NRXN2: variants seen among roughly 807,000 people sequenced by gnomAD.
NRXN2 encodes the protein neurexin 2, also known as neurexin-2-beta.
Under a neutral mutation model 128.8 loss-of-function variants are expected in NRXN2, and 29 were observed. That is an observed-to-expected ratio of 0.23 (90% CI 0.17 to 0.31). The LOEUF (loss-of-function observed/expected upper bound fraction) is 0.31. Among genes scored for constraint, NRXN2 ranks in the 10% least tolerant of loss-of-function variants. The pLI, the probability that NRXN2 is intolerant of heterozygous loss-of-function variation, is 1.00. For synonymous variants in NRXN2, 1,098 were observed against 1,075.2 expected (o/e 1.02, Z -0.41); for missense variants, 1,881 against 2,452.6 (o/e 0.77, Z 4.92).
At chr11:64,615,724 C>G (rs1028727752) in intron 22 of NRXN2, among the ~76,000 whole-genome samples, 1 of 152,188 alleles carries the variant, frequency 6.6e-6, no homozygotes, top group Non-Finnish European at 1.5e-5. Context: ...TGTGTGCATG[C>G]CCTACAAGTC....
rs943442878 is a variant in NRXN2 at position 64,651,725 on chromosome 11, G to A, written c.2537-89C>T. ...CCAGGAGCCTCCCCTCCACAGGAGGGCCACCCATGAGTGACATCTTTAGAG... is the reference window on the plus strand; with the variant it reads ...CCAGGAGCCTCCCCTCCACAGGAGGACCACCCATGAGTGACATCTTTAGAG... On this transcript the variant is annotated intron_variant, in intron 13 of 22. Transcript: ENST00000265459. This position sits in a 1 kb window ranked among gnomAD's most constrained non-coding sequence, Gnocchi z 5.9. 51 of 1,441,518 alleles carry A rather than the reference G, an allele frequency of 3.5e-5. No individual in the cohort carries two copies. The highest frequency in any genetic ancestry group is 1.8e-4 in the Middle Eastern group (1 of 5,592). 89.3% of individuals were successfully genotyped at this position (1,441,518 alleles called of 1,614,324 possible).
In NRXN2 at chr11:64,676,862, G is replaced by A; in HGVS notation, c.1197+131C>T. The A allele has an allele frequency of 2.7e-6, 2 of 730,548 alleles. 1 individual carries two copies. Among genetic ancestry groups the A allele is most frequent in the Admixed American group, 4.1e-5 (2 of 49,030 alleles). 45.3% of individuals were successfully genotyped at this position (730,548 alleles called of 1,614,324 possible). ...GAAGCAAAATCTAAAGATTGTCCAG[G>A]ACGCAAAAAACAATTGGAAGAGCAA... On this transcript the variant is annotated intron_variant, in intron 7 of 22. Coordinates refer to ENST00000265459, the MANE Select transcript of NRXN2 (RefSeq NM_015080.4).
chr11:64,683,340 C>T (rs891691455), intron 6 of NRXN2, among the ~76,000 whole-genome samples: 1 of 152,158 alleles, frequency 6.6e-6, no homozygotes, highest in Admixed American at 6.5e-5. Flanking sequence ...TTGATTGAGG[C>T]CAGGTGTGGT....
At chr11:64,643,020 G>A in intron 17 of NRXN2, 1 of 1,004,742 alleles carries the variant, frequency 1.0e-6, no homozygotes, top group African/African-American at 1.7e-5. Context: ...CCAAGGTCCA[G>A]GATGCCTGGG....
chr11:64,705,523 C>T (rs2056149120), intron 2 of NRXN2, among the ~76,000 whole-genome samples: 1 of 151,918 alleles, frequency 6.6e-6, no homozygotes, highest in African/African-American at 2.4e-5. Context: ...ACTGCTCTTC[C>T]TCCTCCTCCC....
At chr11:64,670,417 G>C (rs1271334351) in intron 7 of NRXN2, among the ~76,000 whole-genome samples, 2 of 152,132 alleles carry the variant, frequency 1.3e-5, no homozygotes, top group Non-Finnish European at 2.9e-5. Flanking sequence ...GGCAGAGAAG[G>C]GCTGGAGAAA....
intron 17 of NRXN2, among the ~76,000 whole-genome samples, chr11:64,636,928 A>T (rs1484212631): frequency 6.6e-6 from 1 of 151,968 alleles, no homozygotes; most frequent in Non-Finnish European, 1.5e-5. Context: ...AGCTCCTAGG[A>T]CCCCAAAGGG....
chr11:64,707,056 C>T (rs919356970), intron 2 of NRXN2, among the ~76,000 whole-genome samples: 43 of 151,180 alleles, frequency 2.8e-4, no homozygotes, highest in African/African-American at 9.3e-4. Context: ...GGTTCAAGTG[C>T]CCAGCCATGT....
At chr11:64,687,824 G>C (rs2053267594) in intron 5 of NRXN2, among the ~76,000 whole-genome samples, 3 of 152,196 alleles carry the variant, frequency 2.0e-5, no homozygotes, top group African/African-American at 7.2e-5. Context: ...TGGGAAGAGA[G>C]CCAGCAACGA....
In NRXN2 at chr11:64,676,806, G is replaced by T. The variant is rs148197242; in HGVS notation, c.1197+187C>A. 6 of 623,940 alleles carry T rather than the reference G, an allele frequency of 9.6e-6. No homozygotes were observed. In the East Asian group the frequency reaches 1.4e-4, roughly 14 times the overall value. The allele number at this position is 623,940 out of a possible 1,614,324, so 38.7% of individuals were successfully genotyped here. On this transcript the variant is annotated intron_variant, in intron 7 of 22. Transcript: ENST00000265459. ...TTGTATTTCAGTTTGGACCAAAAAAGAAAGAAAAGGGAAAGAGGGAAACTA... is the reference window on the plus strand; with the variant it reads ...TTGTATTTCAGTTTGGACCAAAAAATAAAGAAAAGGGAAAGAGGGAAACTA...
At chr11:64,683,886 CGA>C (rs1333440289) in intron 6 of NRXN2, among the ~76,000 whole-genome samples, 1 of 152,166 alleles carries the variant, frequency 6.6e-6, no homozygotes, top group Non-Finnish European at 1.5e-5. Flanking sequence ...CTGCTGAGGC[CGA>C]GTGTCTCCTC....
chr11:64,692,296 C>T (rs2053902858), intron 4 of NRXN2, among the ~76,000 whole-genome samples: 1 of 152,096 alleles, frequency 6.6e-6, no homozygotes, highest in Non-Finnish European at 1.5e-5. Flanking sequence ...ACTGTGGAAA[C>T]GGAGAGACCC....
intron 7 of NRXN2, chr11:64,675,951 A>C (rs770317059): frequency 1.3e-5 from 2 of 154,016 alleles, no homozygotes; most frequent in African/African-American, 2.4e-5. Flanking sequence ...CACCAGCTGC[A>C]TTTACACAGA....
At chr11:64,701,340 C>T (rs1592215358) in intron 2 of NRXN2, among the ~76,000 whole-genome samples, 1 of 152,222 alleles carries the variant, frequency 6.6e-6, no homozygotes, top group East Asian at 1.9e-4. Context: ...GCCACCCCAA[C>T]TTCTTCCTGT....
chr11:64,702,150 G>A (rs1273737996), intron 2 of NRXN2, among the ~76,000 whole-genome samples: 5 of 141,694 alleles, frequency 3.5e-5, no homozygotes, highest in East Asian at 4.7e-4. Flanking sequence ...CCCCCCACCC[G>A]GCCAGCCGCC....
chr11:64,642,697 A>AGCGGCAGCAGAGGTGGCGGCG lies in NRXN2; in HGVS notation c.3403+5501_3403+5521dup, dbSNP rs768357412. The AGCGGCAGCAGAGGTGGCGGCG allele has an allele frequency of 1.6e-5, 24 of 1,521,084 alleles. No individual in the cohort carries two copies. In the East Asian group the frequency reaches 4.0e-4, roughly 26 times the overall value. 94.2% of individuals were successfully genotyped at this position (1,521,084 alleles called of 1,614,324 possible). Reference sequence around the variant, plus strand: ...CAGCAACAGCAGCAACAGCGGCAACAGCGGCAGCAGAGGTGGCGGCGGCGG... The same window carrying AGCGGCAGCAGAGGTGGCGGCG: ...CAGCAACAGCAGCAACAGCGGCAACAGCGGCAGCAGAGGTGGCGGCGGCGGCAGCAGAGGTGGCGGCGGCGG... On this transcript the variant is annotated intron_variant, in intron 17 of 22. Coordinates refer to ENST00000265459, the MANE Select transcript of NRXN2 (RefSeq NM_015080.4).
intron 1 of NRXN2, among the ~76,000 whole-genome samples, chr11:64,716,668 A>G (rs2057313123): frequency 6.6e-6 from 1 of 152,132 alleles, no homozygotes; most frequent in African/African-American, 2.4e-5. Context: ...CGGCCCCTCA[A>G]GGCTCATTAC....
intron 11 of NRXN2, 106 bp from the exon 12 acceptor site, chr11:64,653,828 T>TC (rs1362408222): frequency 2.2e-5 from 19 of 845,496 alleles, no homozygotes; most frequent in Non-Finnish European, 3.5e-5. Context: ...CGGGCGGGGT[T>TC]CCCCCCAGGG....
intron 3 of NRXN2, among the ~76,000 whole-genome samples, chr11:64,693,197 G>A (rs1383535249): frequency 1.3e-5 from 2 of 151,408 alleles, no homozygotes; most frequent in African/African-American, 4.9e-5. Context: ...GGGGGCGGGG[G>A]GCACTGCAGC....
Sources: gnomAD v4.1 joint callset for allele counts (sites outside exome capture counted in the v4.1 genomes callset) on GRCh38, gnomAD v4.1.1 for gene constraint, Gnocchi (gnomAD v3.1) non-coding constraint, MANE v1.5 for transcripts, NCBI Gene and HGNC (gene_info 2026-07-23, HGNC 2026-07-21) for gene names.